Variants in PPP1R1C observed in about 807,000 individuals in gnomAD.
The protein encoded by PPP1R1C is protein phosphatase 1 regulatory inhibitor subunit 1C.
Under a neutral mutation model 17.4 loss-of-function variants are expected in PPP1R1C, and 15 were observed. The observed-to-expected ratio is 0.86, with a 90% CI of 0.58 to 1.33. PPP1R1C has a LOEUF of 1.33. Ranked by LOEUF, PPP1R1C falls within the 40% of genes most tolerant of loss-of-function variation. The pLI is 0.00. For synonymous variants in PPP1R1C, 35 were observed against 43.1 expected (o/e 0.81, Z 0.73); for missense variants, 143 against 130.0 (o/e 1.10, Z -0.48).
intron 1 of PPP1R1C, among the ~76,000 whole-genome samples, chr2:181,974,840 C>T (rs537476832): frequency 6.6e-6 from 1 of 152,320 alleles, no homozygotes; most frequent in South Asian, 2.1e-4. Context: ...ACTAGCTATA[C>T]CTGAACATCG....
intron 2 of PPP1R1C, among the ~76,000 whole-genome samples, chr2:182,053,778 TTTTA>T (rs1220245026): frequency 8.1e-5 from 12 of 148,936 alleles, no homozygotes; most frequent in Admixed American, 1.3e-4. Context: ...TATTTATTTA[TTTTA>T]TTTATTTATT....
intron 2 of PPP1R1C, among the ~76,000 whole-genome samples, chr2:182,038,985 T>C (rs1379190052): frequency 6.6e-6 from 1 of 152,248 alleles, no homozygotes; most frequent in Non-Finnish European, 1.5e-5. Context: ...CTGTGTAAGC[T>C]GTTATTGAAA....
At chr2:182,057,211 T>C (rs965408278) in intron 2 of PPP1R1C, among the ~76,000 whole-genome samples, 5 of 152,148 alleles carry the variant, frequency 3.3e-5, no homozygotes, top group African/African-American at 1.2e-4. Context: ...TAGAGGATAA[T>C]CCTCATTCTT....
chr2:181,955,115 C>A lies in PPP1R1C; in HGVS notation n.111+481C>A, dbSNP rs1368543934. Among the ~76,000 whole-genome samples, 4 of 152,144 alleles carry A rather than the reference C, an allele frequency of 2.6e-5. No homozygotes were observed. The East Asian group carries it at 7.7e-4, about 29-fold the overall frequency. On this transcript the variant is annotated intron_variant and non_coding_transcript_variant, in intron 1 of 5. Coordinates refer to the PPP1R1C transcript ENST00000464264. ...TTGAGGTTCGTGTTTATAAAATATTCTAAGATGGCCAGATGAAAAGTGTGA... is the reference window on the plus strand; with the variant it reads ...TTGAGGTTCGTGTTTATAAAATATTATAAGATGGCCAGATGAAAAGTGTGA...
intron 3 of PPP1R1C, among the ~76,000 whole-genome samples, chr2:182,062,652 T>C (rs1173827311): frequency 6.6e-6 from 1 of 152,142 alleles, no homozygotes; most frequent in East Asian, 1.9e-4. Flanking sequence ...TAGTTTTTAA[T>C]TGATTGCTTT....
chr2:182,110,678 C>T (rs1052501424), intron 4 of PPP1R1C, among the ~76,000 whole-genome samples: 19 of 152,070 alleles, frequency 1.2e-4, no homozygotes, highest in African/African-American at 4.1e-4. Flanking sequence ...ATGCAACTCT[C>T]CTTTTGTTAT....
At chr2:182,022,710 T>C (rs1472869062) in intron 2 of PPP1R1C, among the ~76,000 whole-genome samples, 1 of 152,228 alleles carries the variant, frequency 6.6e-6, no homozygotes, top group Non-Finnish European at 1.5e-5. Context: ...TCTCAGGATC[T>C]TAGTAGAAGC....
chr2:182,004,393 G>T lies in PPP1R1C; in HGVS notation c.142+16494G>T, dbSNP rs1685854579. 2.0e-5 allele frequency among the ~76,000 whole-genome samples: 3 copies of T among 152,260 alleles called. No homozygotes were observed. The South Asian group carries it at 6.2e-4, about 32-fold the overall frequency. On this transcript the variant is annotated intron_variant, in intron 2 of 4. Transcript: ENST00000682840. ...TGAGGATTCACAATGAAAGGTGATG[G>T]AGTTTGTGATGGCAGAAATATAGGA... is the stretch of plus-strand genomic sequence containing the variant.
At chr2:182,052,487 A>G (rs760601667) in intron 2 of PPP1R1C, among the ~76,000 whole-genome samples, 2 of 152,226 alleles carry the variant, frequency 1.3e-5, no homozygotes, top group Non-Finnish European at 2.9e-5. Context: ...TTTGTGTGTC[A>G]TATCATCCCA....
chr2:182,080,825 C>T (rs1386557914), intron 4 of PPP1R1C, among the ~76,000 whole-genome samples: 1 of 152,122 alleles, frequency 6.6e-6, no homozygotes, highest in Non-Finnish European at 1.5e-5. Context: ...GCTCTGGCCT[C>T]AGTTTTCTTA....
At chr2:182,096,363 C>A in intron 4 of PPP1R1C, among the ~76,000 whole-genome samples, 1 of 152,232 alleles carries the variant, frequency 6.6e-6, no homozygotes, top group African/African-American at 2.4e-5. Context: ...TGGAGAAAGG[C>A]AGGAGAAAGA....
intron 4 of PPP1R1C, among the ~76,000 whole-genome samples, chr2:182,070,439 T>G (rs189817045): frequency 5.3e-5 from 8 of 152,352 alleles, no homozygotes; most frequent in African/African-American, 1.9e-4. Flanking sequence ...TGATTCCAAT[T>G]TAAAATTTCT....
chr2:182,061,836 T>A (rs1455871146), intron 3 of PPP1R1C, among the ~76,000 whole-genome samples: 1 of 152,014 alleles, frequency 6.6e-6, no homozygotes, highest in African/African-American at 2.4e-5. Flanking sequence ...GGATGACACC[T>A]CTTACAGGGT....
chr2:182,127,086 A>C (rs1689893351), intron 5 of PPP1R1C, among the ~76,000 whole-genome samples: 1 of 152,112 alleles, frequency 6.6e-6, no homozygotes, highest in Non-Finnish European at 1.5e-5. Flanking sequence ...TGAAAGTAAC[A>C]GAATATTAGA....
chr2:182,074,615 A>G (rs538319482), intron 4 of PPP1R1C, among the ~76,000 whole-genome samples: 12 of 152,334 alleles, frequency 7.9e-5, no homozygotes, highest in African/African-American at 2.4e-4. Context: ...ACTTAAGATT[A>G]CATTCTTCAC....
chr2:182,106,349 C>T lies in PPP1R1C; in HGVS notation c.242-10858C>T, dbSNP rs185856120. On this transcript the variant is annotated intron_variant, in intron 4 of 4. Transcript: ENST00000682840. ...CCTGAGATCCTAGCAGGCATACAAA[C>T]GAGCAGCTAGATATTTAGAGGAGCA... Among the ~76,000 whole-genome samples, 232 of 152,310 alleles carry T rather than the reference C, an allele frequency of 1.5e-3. 1 individual carries two copies. Among genetic ancestry groups the T allele is most frequent in the Middle Eastern group, 6.8e-3 (2 of 294 alleles).
At chr2:182,021,538 G>T (rs546831561) in intron 2 of PPP1R1C, among the ~76,000 whole-genome samples, 1 of 152,050 alleles carries the variant, frequency 6.6e-6, no homozygotes, top group East Asian at 1.9e-4. Flanking sequence ...ATGTTGGCCA[G>T]GATGGTCTTT....
intron 5 of PPP1R1C, among the ~76,000 whole-genome samples, chr2:182,128,558 T>C (rs1689931154): frequency 1.3e-5 from 2 of 152,036 alleles, no homozygotes; most frequent in South Asian, 4.1e-4. Flanking sequence ...AGAAGAGAAA[T>C]GATATCTGTG....
At chr2:182,014,744 G>A (rs192020747) in intron 2 of PPP1R1C, among the ~76,000 whole-genome samples, 141 of 152,006 alleles carry the variant, frequency 9.3e-4, no homozygotes, top group Non-Finnish European at 5.0e-4. Flanking sequence ...GGCTGAGCTA[G>A]CACCCTAGCT....
Sources: gnomAD v4.1 joint callset for allele counts (sites outside exome capture counted in the v4.1 genomes callset) on GRCh38, gnomAD v4.1.1 for gene constraint, MANE v1.5 for transcripts, NCBI Gene and HGNC (gene_info 2026-07-23, HGNC 2026-07-21) for gene names.